Variants in NRF1 observed in about 807,000 individuals in gnomAD.
NRF1 encodes alpha palindromic-binding protein.
NRF1 carries 5 observed loss-of-function variants against 58.5 expected under a neutral mutation model. That is an observed-to-expected ratio of 0.09 (90% CI 0.04 to 0.18). NRF1 has a LOEUF of 0.18. NRF1 is among the 10% of genes least tolerant of loss of function. The pLI is 1.00. For missense variants in NRF1, 288 were observed against 657.7 expected, an observed-to-expected ratio of 0.44 and a Z score of 6.15; for synonymous variants, 224 against 246.7, an observed-to-expected ratio of 0.91 and a Z score of 0.86.
intron 4 of NRF1, among the ~76,000 whole-genome samples, chr7:129,682,438 A>G (rs985986203): frequency 1.3e-5 from 2 of 151,834 alleles, no homozygotes; most frequent in African/African-American, 2.4e-5. Flanking sequence ...AGCCTGGATG[A>G]CAGAGCAAGA....
intron 5 of NRF1, among the ~76,000 whole-genome samples, chr7:129,692,398 A>G (rs1021703030): frequency 3.9e-5 from 6 of 152,176 alleles, no homozygotes; most frequent in South Asian, 2.1e-4. Flanking sequence ...AAAAAATACA[A>G]AAATTAGCTG....
intron 10 of NRF1, among the ~76,000 whole-genome samples, chr7:129,731,293 A>G (rs1011669728): frequency 6.6e-6 from 1 of 150,918 alleles, no homozygotes; most frequent in African/African-American, 2.4e-5. Context: ...AAAAAAGGTA[A>G]TGACCCATGC....
At chr7:129,746,469 A>G (rs1214659373) in intron 10 of NRF1, among the ~76,000 whole-genome samples, 2 of 152,114 alleles carry the variant, frequency 1.3e-5, no homozygotes, top group Non-Finnish European at 2.9e-5. Flanking sequence ...CTATACTGGC[A>G]CATACCATGC....
intron 10 of NRF1, among the ~76,000 whole-genome samples, chr7:129,731,611 CTTGTTTGTTTGTTTGT>C (rs71167211): frequency 1.1e-4 from 16 of 149,700 alleles, no homozygotes; most frequent in African/African-American, 2.7e-4. Flanking sequence ...CCTTCCTTTA[CTTGTTTGTTTGTTTGT>C]TTGTTTGTTT....
rs1802921735 is a variant in NRF1 at position 129,705,290 on chromosome 7, T to G, written c.607-3785T>G. On this transcript the variant is annotated intron_variant, in intron 5 of 10. Coordinates refer to ENST00000393232, the MANE Select transcript of NRF1 (RefSeq NM_005011.5). The stretch of plus-strand genomic sequence containing the variant: ...AGTCTTGTGGGTTTTTTTTGTTTCT[T>G]GGTTTGTTTTTTGTTTTTGAGATGG... 2.0e-5 allele frequency among the ~76,000 whole-genome samples: 3 copies of G among 152,050 alleles called. No homozygotes were observed. The South Asian group carries it at 6.2e-4, about 32-fold the overall frequency.
At chr7:129,727,169 A>G in intron 9 of NRF1, 72 bp from the exon 10 acceptor site, 1 of 1,470,532 alleles carries the variant, frequency 6.8e-7, no homozygotes, top group Non-Finnish European at 9.0e-7. Context: ...GAAGGCATTG[A>G]AAGGATGGTT....
intron 5 of NRF1, among the ~76,000 whole-genome samples, chr7:129,694,219 C>G (rs1278028928): frequency 6.6e-6 from 1 of 152,164 alleles, no homozygotes; most frequent in Non-Finnish European, 1.5e-5. Flanking sequence ...GAAGAGGGAG[C>G]AGGATGATGA....
intron 8 of NRF1, among the ~76,000 whole-genome samples, chr7:129,716,730 G>C (rs901888584): frequency 3.3e-5 from 5 of 150,090 alleles, no homozygotes; most frequent in South Asian, 2.1e-4. Flanking sequence ...AATTAGCCAG[G>C]GGTGGTGGTA....
intron 1 of NRF1, among the ~76,000 whole-genome samples, chr7:129,638,070 T>C (rs867836900): frequency 2.1e-4 from 32 of 152,204 alleles, no homozygotes; most frequent in Middle Eastern, 3.4e-3. Context: ...AAGTAGACTC[T>C]AGTTTTTTTT....
chr7:129,658,542 G>A (rs1801709619), intron 2 of NRF1, among the ~76,000 whole-genome samples: 1 of 149,906 alleles, frequency 6.7e-6, no homozygotes, highest in Admixed American at 6.7e-5. Flanking sequence ...AGTGAGCTAT[G>A]ATTACACCAC....
At chr7:129,630,738 G>C (rs1341795431) in intron 1 of NRF1, among the ~76,000 whole-genome samples, 1 of 152,034 alleles carries the variant, frequency 6.6e-6, no homozygotes, top group Non-Finnish European at 1.5e-5. Flanking sequence ...GACTACACTG[G>C]GTAAATTGTC....
At position 129,755,317 on chromosome 7, in the gene NRF1, A is replaced by G. The variant is rs1224887380; in HGVS notation, c.*136A>G. The G allele has an allele frequency of 2.5e-6, 2 of 790,666 alleles. No homozygotes were observed. Among genetic ancestry groups the G allele is most frequent in the African/African-American group, 1.8e-5 (1 of 54,884 alleles). 49.0% of individuals were successfully genotyped at this position (790,666 alleles called of 1,614,324 possible). ...GTTAACCTTTTTTTTTTTAAAAGGAAGAAAGCGGATTTTGGAATTGCATTT... is the reference window on the plus strand; with the variant it reads ...GTTAACCTTTTTTTTTTTAAAAGGAGGAAAGCGGATTTTGGAATTGCATTT... On this transcript the variant is annotated 3_prime_UTR_variant, in exon 11 of 11. Coordinates refer to ENST00000393232, the MANE Select transcript of NRF1 (RefSeq NM_005011.5). This position sits in a 1 kb window ranked among gnomAD's most constrained non-coding sequence, Gnocchi z 5.8.
At chr7:129,735,820 A>G (rs1803695282) in intron 10 of NRF1, among the ~76,000 whole-genome samples, 1 of 152,058 alleles carries the variant, frequency 6.6e-6, no homozygotes. Context: ...CATCCTGACT[A>G]ACACGGTGAA....
intron 5 of NRF1, among the ~76,000 whole-genome samples, chr7:129,700,018 G>C (rs1802784251): frequency 6.6e-6 from 1 of 151,440 alleles, no homozygotes; most frequent in South Asian, 2.1e-4. Flanking sequence ...GCAGGTGTCT[G>C]TAATCCCAGC....
At chr7:129,684,027 ATTC>A (rs1802389000) in intron 4 of NRF1, among the ~76,000 whole-genome samples, 1 of 152,206 alleles carries the variant, frequency 6.6e-6, no homozygotes, top group Non-Finnish European at 1.5e-5. Context: ...CTAAACTGGT[ATTC>A]AAAGGAATAT....
intron 4 of NRF1, among the ~76,000 whole-genome samples, chr7:129,678,019 G>T (rs1353296523): frequency 6.6e-6 from 1 of 152,082 alleles, no homozygotes; most frequent in African/African-American, 2.4e-5. Context: ...GGGAAACAAG[G>T]TGTTTTGTTT....
chr7:129,616,053 A>G (rs1033854563), intron 1 of NRF1, among the ~76,000 whole-genome samples: 1 of 152,098 alleles, frequency 6.6e-6, no homozygotes, highest in Non-Finnish European at 1.5e-5. Context: ...ATATATATAT[A>G]CACACACACA....
chr7:129,753,192 C>T (rs532592978), intron 10 of NRF1, among the ~76,000 whole-genome samples: 1 of 152,250 alleles, frequency 6.6e-6, no homozygotes, highest in Non-Finnish European at 1.5e-5. Context: ...TTTTTATCTT[C>T]ATCAAAGTAG....
intron 10 of NRF1, among the ~76,000 whole-genome samples, chr7:129,753,532 A>T (rs12538512): frequency 0.13 from 19,105 of 152,010 alleles, 1,532 homozygotes; most frequent in Admixed American, 0.22. Flanking sequence ...TTCCTCATTC[A>T]CTGTAATTCT....
Sources: allele counts gnomAD v4.1 joint callset (sites outside exome capture counted in the v4.1 genomes callset), GRCh38; gene constraint gnomAD v4.1.1; non-coding constraint Gnocchi (gnomAD v3.1); transcripts MANE v1.5; gene names NCBI Gene and HGNC (gene_info 2026-07-23, HGNC 2026-07-21).